The following ARHGAP21 variants were observed in gnomAD, a reference collection of about 807,000 sequenced individuals.
ARHGAP21 encodes rho GTPase-activating protein 21.
In ARHGAP21, 38 loss-of-function variants were observed where a neutral mutation model predicts 164.6. The observed-to-expected ratio is 0.23, with a 90% CI of 0.18 to 0.30. The LOEUF is 0.30. ARHGAP21 is among the 10% of genes least tolerant of loss of function. ARHGAP21 has a pLI of 1.00. For missense variants in ARHGAP21, 1,822 were observed against 2,370.7 expected (o/e 0.77, Z 4.81); for synonymous variants, 766 against 857.9 (o/e 0.89, Z 1.87).
At chr10:24,685,073 A>G (rs1460289696) in intron 2 of ARHGAP21, among the ~76,000 whole-genome samples, 1 of 151,930 alleles carries the variant, frequency 6.6e-6, no homozygotes, top group Non-Finnish European at 1.5e-5. Context: ...AATTGGGGGG[A>G]GGAGGGGTTG....
chr10:24,707,538 A>G (rs771221639), intron 2 of ARHGAP21, among the ~76,000 whole-genome samples: 4 of 152,168 alleles, frequency 2.6e-5, no homozygotes, highest in Non-Finnish European at 5.9e-5. Flanking sequence ...CTGCGTGACT[A>G]AACACTTGCT....
intron 2 of ARHGAP21, among the ~76,000 whole-genome samples, chr10:24,717,107 A>C (rs1845464899): frequency 6.6e-6 from 1 of 152,184 alleles, no homozygotes; most frequent in Non-Finnish European, 1.5e-5. Context: ...GATATTTAAA[A>C]CCATGAAACA....
intron 2 of ARHGAP21, among the ~76,000 whole-genome samples, chr10:24,688,201 G>T (rs1205607863): frequency 6.6e-6 from 1 of 152,176 alleles, no homozygotes; most frequent in Non-Finnish European, 1.5e-5. Context: ...GGCCAGCCTG[G>T]CCAACATGGC....
rs550713569 is a variant in ARHGAP21, at chr10:24,600,306, C to T, written c.3132+340G>A. Among the ~76,000 whole-genome samples, 3 of 152,154 alleles carry T rather than the reference C, an allele frequency of 2.0e-5. No homozygotes were observed. In the East Asian group the frequency reaches 5.8e-4, roughly 29 times the overall value. ...TTATTTATACTGGTAAGTATTTTTA[C>T]TGTAACTTAAGCCCTACAACAATCC... is the stretch of plus-strand genomic sequence containing the variant. On this transcript the variant is annotated intron_variant, in intron 14 of 25. Transcript: ENST00000396432.
Position 24,723,811 on chromosome 10 carries a change from C to T in ARHGAP21, c.-630G>A, listed in dbSNP as rs1272927143. The T allele has an allele frequency of 6.7e-6, 1 of 148,632 alleles. No homozygotes were observed. The highest frequency in any genetic ancestry group is 2.4e-5 in the African/African-American group (1 of 40,990). 9.2% of individuals were successfully genotyped at this position (148,632 alleles called of 1,614,324 possible). On this transcript the variant is annotated 5_prime_UTR_variant, in exon 1 of 26. Transcript: ENST00000396432. The stretch of plus-strand genomic sequence containing the variant: ...GGAGGGCGTGGGGCGGGGCGGCGGC[C>T]GCCGGACTCTCCCCTCGCCTCGCCG...
At chr10:24,626,157 C>T (rs1835119961) in intron 7 of ARHGAP21, among the ~76,000 whole-genome samples, 1 of 152,174 alleles carries the variant, frequency 6.6e-6, no homozygotes, top group South Asian at 2.1e-4. Context: ...AACCGATTAA[C>T]TTAAAATTTA....
Position 24,620,918 on chromosome 10 carries a change from G to A in ARHGAP21, c.977C>T (p.Thr326Ile). 1.2e-6 allele frequency: 2 copies of A among 1,613,928 alleles called. No individual in the cohort carries two copies. Among genetic ancestry groups the A allele is most frequent in the South Asian group, 1.1e-5 (1 of 91,076 alleles). ...RTTSPPLSIP[T>I]THLIHQPAGS... ...TGCAGGCTGATGAATTAGATGAGTG[G>A]TGGGAATTGATAATGGTGGTGATGT... is the stretch of plus-strand genomic sequence containing the variant. Residue 326 changes from threonine to isoleucine, a missense_variant, in exon 9 of 26, where the codon ACC (threonine) becomes ATC (isoleucine). Around this residue, in one of 5 missense-constraint regions of ARHGAP21, gnomAD observed 1,090 missense variants for 1,378.9 expected, o/e 0.79. Transcript: ENST00000396432.
At chr10:24,614,782 C>CAAAAAA (rs34148464) in intron 9 of ARHGAP21, among the ~76,000 whole-genome samples, 1 of 110,188 alleles carries the variant, frequency 9.1e-6, no homozygotes, top group Non-Finnish European at 1.8e-5. Flanking sequence ...GACTCCATCT[C>CAAAAAA]AAAAAAAAAA....
intron 2 of ARHGAP21, among the ~76,000 whole-genome samples, chr10:24,697,423 A>G (rs1843269163): frequency 6.6e-6 from 1 of 152,122 alleles, no homozygotes; most frequent in African/African-American, 2.4e-5. Context: ...CCACTTTCCT[A>G]TCCCATCTTT....
intron 25 of ARHGAP21, among the ~76,000 whole-genome samples, chr10:24,587,209 C>CTTA (rs949000332): frequency 6.6e-6 from 1 of 151,948 alleles, no homozygotes; most frequent in Non-Finnish European, 1.5e-5. Flanking sequence ...GTCTAGAAGC[C>CTTA]TTAGTCTCAA....
At chr10:24,667,838 T>C (rs914753295) in intron 3 of ARHGAP21, among the ~76,000 whole-genome samples, 1 of 152,246 alleles carries the variant, frequency 6.6e-6, no homozygotes, top group Admixed American at 6.5e-5. Context: ...GACACTGTTA[T>C]ATTAATTACA....
At position 24,635,057 on chromosome 10, in the gene ARHGAP21, C is replaced by T. The variant is rs779971813; in HGVS notation, c.315G>A (p.Lys105=). ...AAGCAGGTCCTCCTTCTTTAACTTG[C>T]TTAACAAATATGGTATCCATTGGTT... ...RLEPMDTIFV[K]QVKEGGPAFE... Residue 105 remains lysine (K), a synonymous_variant, in exon 5 of 26, where the codon AAG becomes AAA. Transcript: ENST00000396432. The T allele has an allele frequency of 2.5e-6, 4 of 1,602,790 alleles. No homozygotes were observed. The highest frequency in any genetic ancestry group is 2.3e-5 in the South Asian group (2 of 88,432).
chr10:24,703,835 T>C (rs1276070317), intron 2 of ARHGAP21, among the ~76,000 whole-genome samples: 1 of 152,128 alleles, frequency 6.6e-6, no homozygotes, highest in Non-Finnish European at 1.5e-5. Context: ...GCTTCAACGG[T>C]GAAACTCAAA....
chr10:24,689,814 ATATATATG>A (rs1457813696), intron 2 of ARHGAP21, among the ~76,000 whole-genome samples: 2 of 149,376 alleles, frequency 1.3e-5, no homozygotes, highest in East Asian at 1.9e-4. Flanking sequence ...ATGTATGTGT[ATATATATG>A]TATATATGTA....
chr10:24,603,671 T>C (rs910966728), intron 12 of ARHGAP21, among the ~76,000 whole-genome samples: 2 of 151,994 alleles, frequency 1.3e-5, no homozygotes, highest in Non-Finnish European at 2.9e-5. Flanking sequence ...ATATTTATGG[T>C]AAGAATAAGG....
intron 4 of ARHGAP21, among the ~76,000 whole-genome samples, chr10:24,665,971 T>C (rs562387044): frequency 2.0e-5 from 3 of 152,346 alleles, no homozygotes; most frequent in Non-Finnish European, 2.9e-5. Flanking sequence ...CATAGTAGTA[T>C]TGTACCAATG....
chr10:24,664,489 G>A (rs1360159498), intron 4 of ARHGAP21, among the ~76,000 whole-genome samples: 1 of 151,490 alleles, frequency 6.6e-6, no homozygotes, highest in African/African-American at 2.4e-5. Context: ...CCAGGAGGAG[G>A]AGGTGGCATT....
At chr10:24,699,986 T>C (rs1283417406) in intron 2 of ARHGAP21, among the ~76,000 whole-genome samples, 2 of 152,140 alleles carry the variant, frequency 1.3e-5, no homozygotes, top group Non-Finnish European at 2.9e-5. Flanking sequence ...GAGGTGTTTT[T>C]TTTCCTCCCC....
At chr10:24,607,379 G>T in intron 11 of ARHGAP21, 120 bp downstream of exon 11, 4 of 802,264 alleles carry the variant, frequency 5.0e-6, no homozygotes, top group East Asian at 2.7e-5. Context: ...TTATTTATTT[G>T]CATTTCTAAT....
Sources: gnomAD v4.1 joint callset for allele counts (sites outside exome capture counted in the v4.1 genomes callset) on GRCh38, gnomAD v4.1.1 for gene constraint, gnomAD v4.1.1 regional missense constraint, MANE v1.5 for transcripts, NCBI Gene and HGNC (gene_info 2026-07-23, HGNC 2026-07-21) for gene names.